Variants in RABGAP1 observed in about 807,000 individuals in gnomAD.
The protein encoded by RABGAP1 is RAB GTPase activating protein 1.
RABGAP1 carries 23 observed loss-of-function variants against 137.6 expected under a neutral mutation model. The observed-to-expected ratio is 0.17, with a 90% CI of 0.12 to 0.24. The LOEUF is 0.24. Ranked by LOEUF, RABGAP1 falls within the 10% of genes least tolerant of loss-of-function variation. The pLI, the probability that RABGAP1 is intolerant of heterozygous loss-of-function variation, is 1.00. For missense variants in RABGAP1, 906 were observed against 1,275.8 expected, an observed-to-expected ratio of 0.71 and a Z score of 4.42; for synonymous variants, 451 against 450.7, an observed-to-expected ratio of 1.00 and a Z score of -0.01.
At position 122,986,198 on chromosome 9, in the gene RABGAP1, T is replaced by A. The variant is rs1337418015; in HGVS notation, c.386-17T>A. The A allele has an allele frequency of 6.2e-7, 1 of 1,605,700 alleles. No individual in the cohort carries two copies. The highest frequency in any genetic ancestry group is 2.2e-5 in the East Asian group (1 of 44,808). ...CAAAGTGAAAGTAATCACTTCCTTATTCATTGTTTCTTTCAGATTCTGAAG... is the reference window on the plus strand; with the variant it reads ...CAAAGTGAAAGTAATCACTTCCTTAATCATTGTTTCTTTCAGATTCTGAAG... On this transcript the variant is annotated splice_polypyrimidine_tract_variant and intron_variant, in intron 3 of 25. Transcript: ENST00000373647.
chr9:123,058,214 A>C (rs1231799347), intron 13 of RABGAP1, among the ~76,000 whole-genome samples: 1 of 152,190 alleles, frequency 6.6e-6, no homozygotes, highest in Non-Finnish European at 1.5e-5. Flanking sequence ...AAAGCTGGAG[A>C]TTTTGGCAGA....
In RABGAP1 at chr9:123,079,534, C is replaced by G. The variant is rs112097332; in HGVS notation, c.2424+2772C>G. Among the ~76,000 whole-genome samples the G allele has an allele frequency of 2.8e-3, 426 of 152,050 alleles. 4 individuals are homozygous for G. The highest frequency in any genetic ancestry group is 9.7e-3 in the African/African-American group (404 of 41,488). ...GATTACAGGTGTGAGCCACCACACC[C>G]GGCCCGCCACTCTTGTTTAAATTTT... is the stretch of plus-strand genomic sequence containing the variant. On this transcript the variant is annotated intron_variant, in intron 19 of 25. Transcript: ENST00000373647.
At chr9:123,009,555 C>T (rs1382269958) in intron 10 of RABGAP1, among the ~76,000 whole-genome samples, 1 of 152,112 alleles carries the variant, frequency 6.6e-6, no homozygotes, top group Non-Finnish European at 1.5e-5. Context: ...ATATTTCATG[C>T]TACCTTCCTT....
At chr9:123,041,306 T>C (rs562719274) in intron 13 of RABGAP1, among the ~76,000 whole-genome samples, 41 of 152,328 alleles carry the variant, frequency 2.7e-4, no homozygotes, top group African/African-American at 7.2e-4. Flanking sequence ...AAAGCCTATG[T>C]TCTTGCCTTA....
intron 21 of RABGAP1, among the ~76,000 whole-genome samples, chr9:123,092,038 A>C: frequency 6.6e-6 from 1 of 152,218 alleles, no homozygotes; most frequent in East Asian, 1.9e-4. Flanking sequence ...AGAAAGGAGG[A>C]AAAAAAGGAA....
intron 13 of RABGAP1, among the ~76,000 whole-genome samples, chr9:123,063,944 C>T (rs917441281): frequency 6.6e-6 from 1 of 152,140 alleles, no homozygotes; most frequent in South Asian, 2.1e-4. Flanking sequence ...TCTAACTCTT[C>T]AGCTCTCTGT....
At chr9:123,035,167 G>A (rs1176034293) in intron 13 of RABGAP1, 2 of 1,613,948 alleles carry the variant, frequency 1.2e-6, no homozygotes, top group Non-Finnish European at 8.5e-7. Flanking sequence ...GATGTTATAT[G>A]CCCCAGCAGC....
chr9:123,029,712 CTT>C, intron 13 of RABGAP1: 1 of 657,566 alleles, frequency 1.5e-6, no homozygotes, highest in South Asian at 1.4e-5. Context: ...TCTTGGCTGA[CTT>C]TCCAGTGTCT....
chr9:122,931,917 GGAGCCCGAA>G, the RABGAP1 span, among the ~76,000 whole-genome samples: 2 of 151,058 alleles, frequency 1.3e-5, no homozygotes, highest in African/African-American at 2.4e-5. Context: ...TCGTCGCGCG[GGAGCCCGAA>G]GAGCAGAAAG....
intron 2 of RABGAP1, among the ~76,000 whole-genome samples, chr9:122,961,995 T>C (rs577485569): frequency 1.4e-4 from 22 of 152,192 alleles, no homozygotes; most frequent in Non-Finnish European, 2.4e-4. Flanking sequence ...ACATTGGTTC[T>C]TCTCTCAACT....
intron 2 of RABGAP1, among the ~76,000 whole-genome samples, chr9:122,960,734 T>C (rs1302091579): frequency 6.6e-6 from 1 of 152,216 alleles, no homozygotes; most frequent in Non-Finnish European, 1.5e-5. Flanking sequence ...AGGTAGCTAT[T>C]ATTAATATAT....
At chr9:123,008,360 A>G (rs2030492115) in intron 10 of RABGAP1, among the ~76,000 whole-genome samples, 1 of 152,106 alleles carries the variant, frequency 6.6e-6, no homozygotes, top group Non-Finnish European at 1.5e-5. Context: ...CCTGGCCAAC[A>G]TGGTGAAACC....
At chr9:123,093,444 G>A (rs1294279858) in intron 21 of RABGAP1, among the ~76,000 whole-genome samples, 1 of 152,212 alleles carries the variant, frequency 6.6e-6, no homozygotes, top group Non-Finnish European at 1.5e-5. Context: ...CTCTAGCAGG[G>A]TCACTCCTCT....
intron 10 of RABGAP1, among the ~76,000 whole-genome samples, chr9:123,005,885 G>A (rs2030213662): frequency 6.6e-6 from 1 of 152,222 alleles, no homozygotes; most frequent in South Asian, 2.1e-4. Flanking sequence ...GAGAATACCT[G>A]TTTCTCTGCA....
At chr9:123,047,699 A>T (rs1025882265) in intron 13 of RABGAP1, among the ~76,000 whole-genome samples, 2 of 152,046 alleles carry the variant, frequency 1.3e-5, no homozygotes, top group African/African-American at 4.8e-5. Context: ...TAAAAGCTTT[A>T]TAAAAATTCA....
At chr9:122,984,441 C>A (rs1318339896) in intron 2 of RABGAP1, 44 bp from the exon 3 acceptor site, 2 of 1,530,020 alleles carry the variant, frequency 1.3e-6, no homozygotes. Flanking sequence ...CAATACTGGC[C>A]AATCTTTGTC....
chr9:122,989,642 TTAAC>T, intron 5 of RABGAP1, 171 bp downstream of exon 5: 1 of 714,184 alleles, frequency 1.4e-6, no homozygotes, highest in Non-Finnish European at 2.3e-6. Context: ...AAAAATTTGA[TTAAC>T]TAGAACTTTG....
At chr9:123,014,658 ATTTTTTTTTT>A (rs10560935) in intron 11 of RABGAP1, among the ~76,000 whole-genome samples, 3 of 107,270 alleles carry the variant, frequency 2.8e-5, no homozygotes, top group Non-Finnish European at 5.7e-5. Flanking sequence ...AAGAGGTTTA[ATTTTTTTTTT>A]TTTTTTTTTT....
intron 13 of RABGAP1, among the ~76,000 whole-genome samples, chr9:123,038,241 A>C (rs1275098428): frequency 6.6e-6 from 1 of 152,180 alleles, no homozygotes; most frequent in Admixed American, 6.5e-5. Flanking sequence ...CTCTTACTCA[A>C]AATTCCATTT....
Sources: gnomAD v4.1 joint callset for allele counts (sites outside exome capture counted in the v4.1 genomes callset) on GRCh38, gnomAD v4.1.1 for gene constraint, MANE v1.5 for transcripts, NCBI Gene and HGNC (gene_info 2026-07-23, HGNC 2026-07-21) for gene names.